COL22A1: variants seen among roughly 807,000 people sequenced by gnomAD.
COL22A1 encodes the protein collagen alpha-1(XXII) chain.
Under a neutral mutation model 248.9 loss-of-function variants are expected in COL22A1, and 221 were observed. The observed-to-expected ratio is 0.89, with a 90% CI of 0.80 to 0.99. COL22A1 has a LOEUF of 0.99. Ranked by LOEUF, COL22A1 falls within the 50% of genes least tolerant of loss-of-function variation. COL22A1 has a pLI of 0.00. For synonymous variants in COL22A1, 891 were observed against 793.4 expected, an observed-to-expected ratio of 1.12 and a Z score of -2.07; for missense variants, 2,240 against 2,179.0, an observed-to-expected ratio of 1.03 and a Z score of -0.56.
At chr8:138,648,615 T>C (rs1822410572) in intron 46 of COL22A1, among the ~76,000 whole-genome samples, 1 of 152,120 alleles carries the variant, frequency 6.6e-6, no homozygotes, top group South Asian at 2.1e-4. Context: ...GACCCAGGAA[T>C]GTCTTTCTCT....
chr8:138,704,129 G>A (rs1212409485), intron 30 of COL22A1, among the ~76,000 whole-genome samples: 1 of 152,220 alleles, frequency 6.6e-6, no homozygotes, highest in Non-Finnish European at 1.5e-5. Context: ...CAGCCGGGAG[G>A]CTCGAACTGG....
chr8:138,634,440 A>C (rs1820978123), intron 49 of COL22A1, among the ~76,000 whole-genome samples: 1 of 152,090 alleles, frequency 6.6e-6, no homozygotes, highest in African/African-American at 2.4e-5. Context: ...CCCATGATGG[A>C]TATGTGGGCT....
chr8:138,875,468 C>T (rs1226086845), intron 3 of COL22A1, among the ~76,000 whole-genome samples: 2 of 152,160 alleles, frequency 1.3e-5, no homozygotes, highest in Non-Finnish European at 2.9e-5. Flanking sequence ...GGGAAGGATC[C>T]GGAAGTAACC....
At chr8:138,683,466 T>C (rs900356089) in intron 39 of COL22A1, among the ~76,000 whole-genome samples, 1 of 152,158 alleles carries the variant, frequency 6.6e-6, no homozygotes, top group Non-Finnish European at 1.5e-5. Flanking sequence ...TGGCTGGTAT[T>C]TAGCAAGCAT....
At chr8:138,786,298 G>A (rs1358001469) in intron 12 of COL22A1, among the ~76,000 whole-genome samples, 3 of 152,144 alleles carry the variant, frequency 2.0e-5, no homozygotes, top group Non-Finnish European at 4.4e-5. Context: ...TATGTTCTGA[G>A]TCAGAGACGG....
chr8:138,719,826 G>A (rs1274404832), intron 27 of COL22A1, among the ~76,000 whole-genome samples: 1 of 152,196 alleles, frequency 6.6e-6, no homozygotes, highest in Admixed American at 6.5e-5. Flanking sequence ...GGCGGGCAGT[G>A]GGAGGTGCAG....
intron 62 of COL22A1, among the ~76,000 whole-genome samples, chr8:138,596,121 C>A (rs1330466513): frequency 6.6e-6 from 1 of 152,366 alleles, no homozygotes; most frequent in East Asian, 1.9e-4. Context: ...TTAACACTTG[C>A]AAGTGCTGAG....
At chr8:138,660,852 ATACACAG>A (rs1823792268) in intron 43 of COL22A1, among the ~76,000 whole-genome samples, 5 of 127,402 alleles carry the variant, frequency 3.9e-5, no homozygotes, top group African/African-American at 1.2e-4. Flanking sequence ...ACACACACAC[ATACACAG>A]ACACACAAAC....
intron 6 of COL22A1, among the ~76,000 whole-genome samples, chr8:138,824,418 C>G (rs1292884872): frequency 6.6e-6 from 1 of 152,122 alleles, no homozygotes; most frequent in Admixed American, 6.5e-5. Flanking sequence ...TTCTTCTAAT[C>G]TCTCTATTAC....
intron 12 of COL22A1, among the ~76,000 whole-genome samples, chr8:138,783,717 T>G (rs1815253169): frequency 6.6e-6 from 1 of 152,212 alleles, no homozygotes. Context: ...TTGTTTTAAG[T>G]ATTAAAATCC....
At chr8:138,660,596 A>C in intron 43 of COL22A1, 116 bp from the exon 44 acceptor site, 1 of 873,488 alleles carries the variant, frequency 1.1e-6, no homozygotes, top group Non-Finnish European at 1.9e-6. Context: ...GGGGAAAAAA[A>C]ATCATCAGAC....
At chr8:138,602,214 T>C (rs1818081437) in intron 59 of COL22A1, 55 bp from the exon 60 acceptor site, 2 of 1,590,370 alleles carry the variant, frequency 1.3e-6, no homozygotes, top group East Asian at 2.2e-5. Context: ...ACTGGTGTCC[T>C]TGCCTTGCTG....
intron 12 of COL22A1, among the ~76,000 whole-genome samples, chr8:138,786,642 A>G (rs1815545528): frequency 6.6e-6 from 1 of 152,180 alleles, no homozygotes; most frequent in Non-Finnish European, 1.5e-5. Flanking sequence ...ACAGTGGCTC[A>G]CGCTTGTAAT....
rs1304092414 is a variant in COL22A1, at chr8:138,694,561, C to G, written c.2647G>C (p.Gly883Arg). The change falls in exon 34 of 65, where the codon GGA becomes CGA. Residue 883 changes from glycine (G) to arginine (R), a missense_variant and splice_region_variant. Transcript: ENST00000303045. ...KGDPGLPGEP[G>R]LQGRPGELGP... ...AATTCTCCAGGACGGCCCTGCAGTC[C>G]CTGTAAGCACACAAGTTGCCATGAA... 10 of 1,613,908 alleles carry G rather than the reference C, an allele frequency of 6.2e-6. No individual in the cohort carries two copies. Among genetic ancestry groups the G allele is most frequent in the Non-Finnish European group, 7.6e-6 (9 of 1,179,898 alleles).
intron 49 of COL22A1, among the ~76,000 whole-genome samples, chr8:138,631,266 C>T (rs1158073758): frequency 6.6e-6 from 1 of 152,152 alleles, no homozygotes; most frequent in Non-Finnish European, 1.5e-5. Context: ...ATTCTGTGCC[C>T]CTTCCTAGCT....
At chr8:138,906,263 A>G (rs71532180) in intron 1 of COL22A1, among the ~76,000 whole-genome samples, 11,691 of 151,924 alleles carry the variant, frequency 0.077, 531 homozygotes, top group Non-Finnish European at 0.092. Flanking sequence ...CCAGCTACTC[A>G]GGAGGCTGAG....
In COL22A1 at chr8:138,760,279, G is replaced by A. The variant is rs142760282; in HGVS notation, c.1866C>T (p.Pro622=). Residue 622 remains proline, a synonymous_variant, in exon 18 of 65, where the codon CCC becomes CCT. Coordinates refer to ENST00000303045, the MANE Select transcript of COL22A1 (RefSeq NM_152888.3). ...GGGGTCCTGCCACACCAGAAGGGCC[G>A]GGCCTGCCCTGGAGGAAAGAAAGAA... ...KPGDTGQQGR[P]GPSGVAGPQG... 57 of 1,598,502 alleles carry A rather than the reference G, an allele frequency of 3.6e-5. 1 individual carries two copies. The African/African-American group carries it at 4.2e-4, about 12-fold the overall frequency.
chr8:138,832,922 G>A (rs890657603), intron 5 of COL22A1, 117 bp downstream of exon 5: 2 of 655,708 alleles, frequency 3.1e-6, no homozygotes, highest in East Asian at 2.7e-5. Context: ...AACCTTACAA[G>A]GCACTGAGAA....
intron 30 of COL22A1, among the ~76,000 whole-genome samples, chr8:138,710,238 G>T (rs551817727): frequency 6.6e-6 from 1 of 152,170 alleles, no homozygotes; most frequent in Non-Finnish European, 1.5e-5. Context: ...TCACTGAGCT[G>T]CTCCACGCAA....
Sources: allele counts gnomAD v4.1 joint callset (sites outside exome capture counted in the v4.1 genomes callset), GRCh38; gene constraint gnomAD v4.1.1; transcripts MANE v1.5; gene names NCBI Gene and HGNC (gene_info 2026-07-23, HGNC 2026-07-21).